LRRC4C: variants seen among roughly 807,000 people sequenced by gnomAD.
LRRC4C encodes the protein leucine-rich repeat-containing protein 4C.
In LRRC4C, 5 loss-of-function variants were observed where a neutral mutation model predicts 33.6. The ratio of observed to expected loss-of-function variants is 0.15; its 90% confidence interval spans 0.08 to 0.31. The LOEUF is 0.31. LRRC4C is among the 10% of genes least tolerant of loss of function. The pLI is 1.00. For synonymous variants in LRRC4C, 329 were observed against 302.0 expected, an observed-to-expected ratio of 1.09 and a Z score of -0.93; for missense variants, 560 against 796.7, an observed-to-expected ratio of 0.70 and a Z score of 3.58.
chr11:40,591,234 C>T (rs984985493), intron 3 of LRRC4C, among the ~76,000 whole-genome samples: 1 of 152,100 alleles, frequency 6.6e-6, no homozygotes, highest in Admixed American at 6.5e-5. Flanking sequence ...GGGAGCGACC[C>T]GATTTTCCAG....
At chr11:40,616,697 G>C (rs1038838620) in intron 3 of LRRC4C, among the ~76,000 whole-genome samples, 1 of 151,810 alleles carries the variant, frequency 6.6e-6, no homozygotes, top group East Asian at 1.9e-4. Context: ...ACTCATAGGT[G>C]GGAATTGAAC....
At chr11:40,381,329 C>A (rs1948858472) in intron 3 of LRRC4C, among the ~76,000 whole-genome samples, 1 of 151,742 alleles carries the variant, frequency 6.6e-6, no homozygotes, top group African/African-American at 2.4e-5. Flanking sequence ...ATTATATTGG[C>A]CATTAACCAA....
At chr11:40,892,877 A>G (rs73472692) in intron 2 of LRRC4C, among the ~76,000 whole-genome samples, 7,703 of 152,246 alleles carry the variant, frequency 0.051, 261 homozygotes, top group South Asian at 0.14. Context: ...TTGTTACACA[A>G]TATTATAATG....
intron 3 of LRRC4C, among the ~76,000 whole-genome samples, chr11:40,646,274 A>C (rs899281756): frequency 6.6e-6 from 1 of 152,230 alleles, no homozygotes; most frequent in African/African-American, 2.4e-5. Flanking sequence ...AATCAGAAAC[A>C]AAAAAGAACA....
At chr11:40,546,796 T>C (rs1956943265) in intron 3 of LRRC4C, among the ~76,000 whole-genome samples, 1 of 152,092 alleles carries the variant, frequency 6.6e-6, no homozygotes, top group Non-Finnish European at 1.5e-5. Flanking sequence ...GGGAGGATAC[T>C]GTTAGCACCA....
At chr11:40,460,291 G>A (rs189108318) in intron 3 of LRRC4C, among the ~76,000 whole-genome samples, 6 of 152,008 alleles carry the variant, frequency 3.9e-5, no homozygotes, top group East Asian at 3.9e-4. Flanking sequence ...TGAAAGGAAC[G>A]GAGGGATTTT....
At chr11:41,083,638 T>C (rs1327110887) in intron 1 of LRRC4C, among the ~76,000 whole-genome samples, 1 of 152,152 alleles carries the variant, frequency 6.6e-6, no homozygotes, top group Non-Finnish European at 1.5e-5. Flanking sequence ...TTTGTGAGGC[T>C]TTACAAGAAA....
In LRRC4C at chr11:40,399,547, G is replaced by A. The variant is rs375204837; in HGVS notation, c.-269-79826C>T. On this transcript the variant is annotated intron_variant, in intron 3 of 6. Coordinates refer to ENST00000528697, the MANE Select transcript of LRRC4C (RefSeq NM_001258419.2). The stretch of plus-strand genomic sequence containing the variant: ...GGGGACTGTTGTGGGGTGGGAGGAG[G>A]GGGGAGGGATAGCATTAGGAGATAT... Among the ~76,000 whole-genome samples the A allele has an allele frequency of 2.8e-4, 43 of 151,988 alleles. No homozygotes were observed. In the South Asian group the frequency reaches 8.8e-3, roughly 31 times the overall value.
At chr11:41,406,572 A>C (rs1163637704) in intron 1 of LRRC4C, among the ~76,000 whole-genome samples, 1 of 152,026 alleles carries the variant, frequency 6.6e-6, no homozygotes, top group East Asian at 1.9e-4. Flanking sequence ...TGCACAGTAC[A>C]TATGATCCAC....
At chr11:40,430,966 A>C in intron 3 of LRRC4C, among the ~76,000 whole-genome samples, 1 of 71,060 alleles carries the variant, frequency 1.4e-5, no homozygotes, top group South Asian at 6.4e-4. Context: ...GGGAGGGGGG[A>C]GGGATAGCAT....
intron 5 of LRRC4C, among the ~76,000 whole-genome samples, chr11:40,184,253 A>G (rs1408762112): frequency 6.6e-6 from 1 of 152,196 alleles, no homozygotes; most frequent in Non-Finnish European, 1.5e-5. Flanking sequence ...TGGGATCAAG[A>G]GGGAAGCTGA....
At chr11:40,573,356 T>A (rs1248633623) in intron 3 of LRRC4C, among the ~76,000 whole-genome samples, 1 of 152,214 alleles carries the variant, frequency 6.6e-6, no homozygotes, top group African/African-American at 2.4e-5. Context: ...GCTTCATATG[T>A]TCATCCTTTA....
At chr11:40,662,057 C>T (rs1943467888) in intron 2 of LRRC4C, among the ~76,000 whole-genome samples, 1 of 152,146 alleles carries the variant, frequency 6.6e-6, no homozygotes, top group Admixed American at 6.5e-5. Context: ...TTATAGATAC[C>T]TAATGAATGG....
Position 40,150,586 on chromosome 11 carries a change from A to G in LRRC4C, c.-95-9733T>C, listed in dbSNP as rs924090867. ...TGAGTAGTTGGGATAACAGGCACACACCACCATGCCTGGCTAATTTTTTTA... is the reference window on the plus strand; with the variant it reads ...TGAGTAGTTGGGATAACAGGCACACGCCACCATGCCTGGCTAATTTTTTTA... On this transcript the variant is annotated intron_variant, in intron 5 of 6. Transcript: ENST00000528697. Among the ~76,000 whole-genome samples the G allele has an allele frequency of 3.9e-5, 6 of 152,162 alleles. 1 individual carries two copies. Among genetic ancestry groups the G allele is most frequent in the African/African-American group, 1.4e-4 (6 of 41,436 alleles).
At chr11:40,636,886 G>A (rs1941785545) in intron 3 of LRRC4C, among the ~76,000 whole-genome samples, 2 of 152,086 alleles carry the variant, frequency 1.3e-5, no homozygotes, top group South Asian at 2.1e-4. Context: ...CATCTCCCTT[G>A]GCAGTGAGCA....
chr11:40,657,336 A>G (rs1943174606), intron 2 of LRRC4C, among the ~76,000 whole-genome samples: 1 of 152,190 alleles, frequency 6.6e-6, no homozygotes, highest in South Asian at 2.1e-4. Context: ...AGCTCCAAAT[A>G]TTTAAATGTG....
At chr11:41,443,487 C>T (rs937920311) in intron 1 of LRRC4C, among the ~76,000 whole-genome samples, 1 of 152,004 alleles carries the variant, frequency 6.6e-6, no homozygotes, top group African/African-American at 2.4e-5. Flanking sequence ...CTATCCTGGG[C>T]AAGAGAGCAA....
chr11:40,532,181 C>G (rs975099315), intron 3 of LRRC4C, among the ~76,000 whole-genome samples: 5 of 151,214 alleles, frequency 3.3e-5, no homozygotes, highest in African/African-American at 7.3e-5. Flanking sequence ...TAACCTCAAC[C>G]AAGCTCTGCT....
intron 2 of LRRC4C, among the ~76,000 whole-genome samples, chr11:40,748,015 C>A (rs900591854): frequency 1.2e-4 from 18 of 152,048 alleles, no homozygotes; most frequent in African/African-American, 4.1e-4. Context: ...GAAAACTTCC[C>A]AAGTCTAGCA....
Sources: gnomAD v4.1 joint callset for allele counts (sites outside exome capture counted in the v4.1 genomes callset) on GRCh38, gnomAD v4.1.1 for gene constraint, MANE v1.5 for transcripts, NCBI Gene and HGNC (gene_info 2026-07-23, HGNC 2026-07-21) for gene names.